Variants in CEP131 observed in about 807,000 individuals in gnomAD.
CEP131 encodes centrosomal protein of 131 kDa.
A neutral mutation model predicts 136.8 loss-of-function variants in CEP131; 99 were observed. That is an observed-to-expected ratio of 0.72 (90% CI 0.62 to 0.86). CEP131 has a LOEUF of 0.86. Among genes scored for constraint, CEP131 ranks in the 40% least tolerant of loss-of-function variants. The pLI, the probability that CEP131 is intolerant of heterozygous loss-of-function variation, is 0.00. For synonymous variants in CEP131, 646 were observed against 612.7 expected (o/e 1.05, Z -0.80); for missense variants, 1,459 against 1,463.0 (o/e 1.00, Z 0.04).
Position 81,192,763 on chromosome 17 carries a change from C to G in CEP131, c.2402G>C (p.Arg801Thr). Residue 801 changes from arginine (R) to threonine (T), a missense_variant, in exon 19 of 26, where the codon AGG becomes ACG. Transcript: ENST00000450824. ...GGCTGCCTGCTGGCCCAGCCGCTCCCTCTCCTCAGCCACCTCACTGTACAG... is the reference window on the plus strand; with the variant it reads ...GGCTGCCTGCTGGCCCAGCCGCTCCGTCTCCTCAGCCACCTCACTGTACAG... ...QRLYSEVAEE[R>T]ERLGQQAARQ... The G allele has an allele frequency of 6.3e-7, 1 of 1,592,632 alleles. No individual in the cohort carries two copies.
At chr17:81,210,829 CAAA>C (rs11379490) in intron 2 of CEP131, among the ~76,000 whole-genome samples, 1 of 136,162 alleles carries the variant, frequency 7.3e-6, no homozygotes, top group Non-Finnish European at 1.6e-5. Context: ...AAAAAAAGAC[CAAA>C]AAAAAAAAAA....
Position 81,190,830 on chromosome 17 carries a change from G to A in CEP131, c.2944-28C>T, listed in dbSNP as rs371877115. The A allele has an allele frequency of 1.4e-4, 228 of 1,590,954 alleles. 1 individual carries two copies. The highest frequency in any genetic ancestry group is 6.7e-5 in the East Asian group (3 of 44,488). On this transcript the variant is annotated intron_variant, in intron 23 of 25. Transcript: ENST00000450824. ...GGGTGGGCACAGAAGGCAGTGAGCC[G>A]GCTGCCAGCGACTGGCTGCGTGCAT...
Position 81,203,535 on chromosome 17 carries a change from C to G in CEP131, c.588G>C (p.Ala196=). The change falls in exon 6 of 26, where the codon GCG becomes GCC. Residue 196 remains alanine, a synonymous_variant. Coordinates refer to ENST00000450824, the MANE Select transcript of CEP131 (RefSeq NM_014984.4). This position sits in a 1 kb window ranked among gnomAD's most constrained non-coding sequence, Gnocchi z 4.6. ...TCTGGTTGGAGCTCTTGAGCGGAGG[C>G]GCCCTCTCCGAGGGGGTGTAGCGGT... ...VHNRYTPSER[A]PPLKSSNQTA... is the part of the protein sequence containing the mutation. The G allele has an allele frequency of 6.2e-7, 1 of 1,608,666 alleles. No homozygotes were observed. The highest frequency in any genetic ancestry group is 8.5e-7 in the Non-Finnish European group (1 of 1,178,328).
rs537783378 is a variant in CEP131 at position 81,191,480 on chromosome 17, G to A, written c.2623-145C>T. 5 of 718,024 alleles carry A rather than the reference G, an allele frequency of 7.0e-6. No individual in the cohort carries two copies. In the Admixed American group the frequency reaches 1.2e-4, roughly 18 times the overall value. 44.5% of individuals were successfully genotyped at this position (718,024 alleles called of 1,614,324 possible). Reference sequence around the variant, plus strand: ...CCCCTCTCCAGACCCCTGTCCAGGGGTGCGCTACGTCCTGTTGTCAGGACC... The same window carrying A: ...CCCCTCTCCAGACCCCTGTCCAGGGATGCGCTACGTCCTGTTGTCAGGACC... On this transcript the variant is annotated intron_variant, in intron 21 of 25. Transcript: ENST00000450824.
In CEP131 at chr17:81,191,043, T is replaced by C. The variant is rs748633494; in HGVS notation, c.2807A>G (p.Glu936Gly). ...LRDKYEAELS[E>G]LEQSERKLQE... ...AAGCTTCCGCTCCGACTGCTCCAGC[T>C]CGGAGAGCTCGGCCTCGTACTTGTC... The change falls in exon 23 of 26, where the codon GAG becomes GGG. Residue 936 changes from glutamate (E) to glycine (G), a missense_variant. Physicochemically the swap from Glu to Gly is moderately conservative, Grantham distance 98. Transcript: ENST00000450824. The C allele has an allele frequency of 3.1e-6, 5 of 1,609,968 alleles. No individual in the cohort carries two copies. The highest frequency in any genetic ancestry group is 4.2e-6 in the Non-Finnish European group (5 of 1,178,938).
At chr17:81,222,588 C>A (rs2062412413) in intron 1 of CEP131, among the ~76,000 whole-genome samples, 181 bp downstream of exon 1, 1 of 151,818 alleles carries the variant, frequency 6.6e-6, no homozygotes, top group South Asian at 2.1e-4. Flanking sequence ...CCCTGGATCC[C>A]CCTCACTTCC....
chr17:81,209,032 G>C lies in CEP131; in HGVS notation c.178-10C>G. 6.3e-7 allele frequency: 1 copy of C among 1,595,074 alleles called. No homozygotes were observed. The highest frequency in any genetic ancestry group is 1.3e-5 in the African/African-American group (1 of 74,690). On this transcript the variant is annotated splice_polypyrimidine_tract_variant and intron_variant, in intron 2 of 25. Coordinates refer to ENST00000450824, the MANE Select transcript of CEP131 (RefSeq NM_014984.4). ...CAGGCCCTGTGGCCTCCTGCAAAAA[G>C]GGAGAAAACAGTTAATTATGCAGCA...
Position 81,219,296 on chromosome 17 carries a change from C to CTTTTT in CEP131, c.177+579_177+583dup, listed in dbSNP as rs11382761. On this transcript the variant is annotated intron_variant, in intron 2 of 25. Transcript: ENST00000450824. The surrounding 1 kb of genome is among the most constrained non-coding windows in gnomAD (Gnocchi z 4.0). ...CCCCACAGGTCAACCCCATTTCTTT[C>CTTTTT]TTTTTTTTTTTTTTTTGAGATGGCA... is the stretch of plus-strand genomic sequence containing the variant. Among the ~76,000 whole-genome samples, 1 of 131,436 alleles carries CTTTTT rather than the reference C, an allele frequency of 7.6e-6. No individual in the cohort carries two copies. Among genetic ancestry groups the CTTTTT allele is most frequent in the African/African-American group, 2.9e-5 (1 of 34,722 alleles). 86.2% of individuals were successfully genotyped at this position (131,436 alleles called of 152,430 possible). A position where few individuals can be genotyped will look rare whatever the true frequency, so the allele number is the denominator to read the frequency against.
In CEP131 at chr17:81,199,551, T is replaced by C; in HGVS notation, c.1024-2A>G. 6.2e-7 allele frequency: 1 copy of C among 1,604,182 alleles called. No homozygotes were observed. The highest frequency in any genetic ancestry group is 8.5e-7 in the Non-Finnish European group (1 of 1,175,946). On this transcript the variant is annotated splice_acceptor_variant, in intron 9 of 25. Coordinates refer to ENST00000450824, the MANE Select transcript of CEP131 (RefSeq NM_014984.4). LOFTEE classifies it high-confidence loss of function. ...CAGGGCTCGTTTCTGTTGCAGCTCC[T>C]GCAGTGGGAGCATCGCTGAGCACTG... is the stretch of plus-strand genomic sequence containing the variant.
rs1213621712 is a variant in CEP131 at position 81,194,004 on chromosome 17, T to G, written c.2243A>C (p.Gln748Pro). ...CAGCTGCTCCCGCAGCTCCTCGGCCTGGCGCAGGCAGCGCTGCGAGGCCCG... is the reference window on the plus strand; with the variant it reads ...CAGCTGCTCCCGCAGCTCCTCGGCCGGGCGCAGGCAGCGCTGCGAGGCCCG... ...DERASQRCLR[Q>P]AEELREQLER... Residue 748 changes from glutamine to proline, a missense_variant, in exon 18 of 26, where the codon CAG becomes CCG. Coordinates refer to ENST00000450824, the MANE Select transcript of CEP131 (RefSeq NM_014984.4). 6.4e-7 allele frequency: 1 copy of G among 1,558,898 alleles called. No homozygotes were observed. The highest frequency in any genetic ancestry group is 1.4e-5 in the African/African-American group (1 of 72,946).
chr17:81,216,477 G>T (rs989060528), intron 2 of CEP131, among the ~76,000 whole-genome samples: 1 of 152,206 alleles, frequency 6.6e-6, no homozygotes, highest in Non-Finnish European at 1.5e-5. Flanking sequence ...GCTGCAGTAA[G>T]CTGTGGTTTC....
chr17:81,219,951 C>T lies in CEP131; in HGVS notation c.106G>A (p.Ala36Thr), dbSNP rs779296729. 1.2e-6 allele frequency: 2 copies of T among 1,612,162 alleles called. No homozygotes were observed. Among genetic ancestry groups the T allele is most frequent in the South Asian group, 2.2e-5 (2 of 90,762 alleles). The change falls in exon 2 of 26, where the codon GCC becomes ACC. Residue 36 changes from alanine (A) to threonine (T), a missense_variant. By Grantham distance (58) the Ala-to-Thr change is moderately conservative. Transcript: ENST00000450824. This position sits in a 1 kb window ranked among gnomAD's most constrained non-coding sequence, Gnocchi z 4.0. ...CGGACGATGGGCTTGGTGGTGGCGGCACTGCCAGGACGCCGGGACACAGGC... is the reference window on the plus strand; with the variant it reads ...CGGACGATGGGCTTGGTGGTGGCGGTACTGCCAGGACGCCGGGACACAGGC... ...PPPVSRRPGS[A>T]ATTKPIVRSV...
In CEP131 at chr17:81,196,736, C is replaced by T; in HGVS notation, c.1864G>A (p.Ala622Thr). ...QLQRQREHYE[A>T]TIQRHLAFID... ...AAGGCCAAGTGCCGCTGGATGGTGG[C>T]CTCGTAGTGCTCCCTCTGCCGCTGC... Residue 622 changes from alanine to threonine, a missense_variant, in exon 15 of 26, where the codon GCC becomes ACC. By Grantham distance (58) the Ala-to-Thr change is moderately conservative (BLOSUM62 0). This residue lies in a region of CEP131 where 1,026 missense variants were observed against 964.2 expected (regional missense o/e 1.06). Transcript: ENST00000450824. The T allele has an allele frequency of 6.2e-7, 1 of 1,603,782 alleles. No homozygotes were observed. The highest frequency in any genetic ancestry group is 8.5e-7 in the Non-Finnish European group (1 of 1,177,436).
chr17:81,189,869 C>T, intron 25 of CEP131, 26 bp from the exon 26 acceptor site: 1 of 1,612,504 alleles, frequency 6.2e-7, no homozygotes, highest in Non-Finnish European at 8.5e-7. Flanking sequence ...AGGGTCAGGC[C>T]TGCTCCCAGC....
chr17:81,191,293 T>C lies in CEP131; in HGVS notation c.2665A>G (p.Ile889Val). ...ATCTCCTTGTCCCGGCCTTTCCGGATTTCTTCCCTCAGCTCCTGTTCCCGG... is the reference window on the plus strand; with the variant it reads ...ATCTCCTTGTCCCGGCCTTTCCGGACTTCTTCCCTCAGCTCCTGTTCCCGG... ...LNREQELREE[I>V]RKGRDKEIEL... Residue 889 changes from isoleucine (I) to valine (V), a missense_variant, in exon 22 of 26, where the codon ATC becomes GTC. By Grantham distance (29) the Ile-to-Val change is conservative. Transcript: ENST00000450824. 6.2e-7 allele frequency: 1 copy of C among 1,613,408 alleles called. No homozygotes were observed. Among genetic ancestry groups the C allele is most frequent in the Non-Finnish European group, 8.5e-7 (1 of 1,179,938 alleles).
At chr17:81,195,354 C>A (rs2061731391) in intron 16 of CEP131, among the ~76,000 whole-genome samples, 2 of 152,232 alleles carry the variant, frequency 1.3e-5, no homozygotes, top group Admixed American at 6.5e-5. Context: ...ATGCCAGTGC[C>A]AAGCCCCACT....
At position 81,208,745 on chromosome 17, in the gene CEP131, G is replaced by T. The variant is rs1274357265; in HGVS notation, c.272+183C>A. Among the ~76,000 whole-genome samples the T allele has an allele frequency of 6.6e-6, 1 of 152,198 alleles. No homozygotes were observed. The highest frequency in any genetic ancestry group is 1.5e-5 in the Non-Finnish European group (1 of 68,024). Reference sequence around the variant, plus strand: ...TCTGCCTCAGGCCTCCCGCCCCAATGCGAGAGGAGGCCTGGGACACAAAGC... The same window carrying T: ...TCTGCCTCAGGCCTCCCGCCCCAATTCGAGAGGAGGCCTGGGACACAAAGC... On this transcript the variant is annotated intron_variant, in intron 3 of 25. Coordinates refer to ENST00000450824, the MANE Select transcript of CEP131 (RefSeq NM_014984.4). This position sits in a 1 kb window ranked among gnomAD's most constrained non-coding sequence, Gnocchi z 5.6.
rs1254239586 is a variant in CEP131 at position 81,199,385 on chromosome 17, A to G, written c.1188T>C (p.Asn396=). The change falls in exon 10 of 26, where the codon AAT becomes AAC. Residue 396 remains asparagine, a synonymous_variant. Coordinates refer to ENST00000450824, the MANE Select transcript of CEP131 (RefSeq NM_014984.4). ...GTAHQALKAN[N]TGGGLPAAGP... ...CGGGCGTGGAGCCACTCTCACCAGT[A>G]TTGTTGGCCTTGAGGGCCTGGTGGG... 5 of 1,602,264 alleles carry G rather than the reference A, an allele frequency of 3.1e-6. No homozygotes were observed. Among genetic ancestry groups the G allele is most frequent in the Non-Finnish European group, 4.2e-6 (5 of 1,176,698 alleles).
rs1288920967 is a variant in CEP131, at chr17:81,191,326, G to A, written c.2632C>T (p.Leu878=). 6.2e-7 allele frequency: 1 copy of A among 1,613,058 alleles called. No individual in the cohort carries two copies. The highest frequency in any genetic ancestry group is 8.5e-7 in the Non-Finnish European group (1 of 1,179,922). The stretch of plus-strand genomic sequence containing the variant: ...CTCAGCTCCTGTTCCCGGTTCAGCA[G>A]CCACGCCTCCTGGGGGGACATGCGC... ...AGRTRKEEAW[L]LNREQELREE... Residue 878 remains leucine (L), a synonymous_variant, in exon 22 of 26, where the codon CTG becomes TTG. Transcript: ENST00000450824.
Sources: allele counts gnomAD v4.1 joint callset (sites outside exome capture counted in the v4.1 genomes callset), GRCh38; gene constraint gnomAD v4.1.1; regional missense constraint gnomAD v4.1.1; non-coding constraint Gnocchi (gnomAD v3.1); transcripts MANE v1.5; gene names NCBI Gene and HGNC (gene_info 2026-07-23, HGNC 2026-07-21).